Variants in TAB2 observed in about 807,000 individuals in gnomAD.
TAB2 encodes the protein TGF-beta activated kinase 1 (MAP3K7) binding protein 2.
In TAB2, 3 loss-of-function variants were observed where a neutral mutation model predicts 65.0. The ratio of observed to expected loss-of-function variants is 0.05; its 90% CI spans 0.02 to 0.12. The LOEUF (loss-of-function observed/expected upper bound fraction) is 0.12. Ranked by LOEUF, TAB2 falls within the 10% of genes least tolerant of loss-of-function variation. The pLI is 1.00. For synonymous variants in TAB2, 298 were observed against 285.1 expected (o/e 1.05, Z -0.46); for missense variants, 623 against 840.3 (o/e 0.74, Z 3.20).
At chr6:149,331,490 T>C (rs185706279) in intron 1 of TAB2, among the ~76,000 whole-genome samples, 1 of 152,298 alleles carries the variant, frequency 6.6e-6, no homozygotes, top group Non-Finnish European at 1.5e-5. Flanking sequence ...TGCCTGTGCA[T>C]AGAGACAGTT....
At chr6:149,409,551 T>C (rs767322591) in intron 6 of TAB2, 26 bp from the exon 7 acceptor site, 9 of 1,605,574 alleles carry the variant, frequency 5.6e-6, no homozygotes, top group Admixed American at 3.3e-5. Flanking sequence ...TTTTTACTTA[T>C]AAAATAATTT....
intron 3 of TAB2, among the ~76,000 whole-genome samples, chr6:149,389,355 T>C (rs1182164950): frequency 1.3e-5 from 2 of 151,894 alleles, no homozygotes; most frequent in Non-Finnish European, 2.9e-5. Flanking sequence ...TCTTTTAAAT[T>C]GTAAATCTGG....
At chr6:149,266,822 G>T (rs185707142) in intron 1 of TAB2, among the ~76,000 whole-genome samples, 1 of 152,260 alleles carries the variant, frequency 6.6e-6, no homozygotes, top group African/African-American at 2.4e-5. Flanking sequence ...CCTTGTACCA[G>T]TCAGGGTCTG....
intron 6 of TAB2, among the ~76,000 whole-genome samples, chr6:149,403,311 T>TACAC (rs1562456512): frequency 5.3e-4 from 35 of 66,326 alleles, no homozygotes; most frequent in African/African-American, 2.3e-3. Flanking sequence ...TATATATATA[T>TACAC]ATACACACAC....
At chr6:149,232,854 G>A (rs956186448) in intron 1 of TAB2, among the ~76,000 whole-genome samples, 2 of 152,142 alleles carry the variant, frequency 1.3e-5, no homozygotes, top group African/African-American at 2.4e-5. Flanking sequence ...TCCAGAGAAA[G>A]TGCCCCAGAG....
At chr6:149,351,003 T>C (rs924758252) in intron 1 of TAB2, among the ~76,000 whole-genome samples, 2 of 152,090 alleles carry the variant, frequency 1.3e-5, no homozygotes, top group Non-Finnish European at 2.9e-5. Context: ...TTCTTCATAA[T>C]CCCCTTCTTT....
At chr6:149,248,036 C>A (rs1346672751) in intron 1 of TAB2, 1 of 152,118 alleles carries the variant, frequency 6.6e-6, no homozygotes, top group Non-Finnish European at 1.5e-5. Context: ...TGTAACAAAC[C>A]TGCATGTTCT....
intron 1 of TAB2, among the ~76,000 whole-genome samples, chr6:149,368,724 G>GC (rs1781123207): frequency 6.6e-6 from 1 of 151,260 alleles, no homozygotes; most frequent in Non-Finnish European, 1.5e-5. Context: ...CAAATAACTT[G>GC]ATGTTGGCAG....
At chr6:149,260,899 C>T (rs1044962932) in intron 1 of TAB2, among the ~76,000 whole-genome samples, 2 of 152,188 alleles carry the variant, frequency 1.3e-5, no homozygotes, top group African/African-American at 2.4e-5. Context: ...ATTTCCAAAT[C>T]ATTCTGTAAA....
chr6:149,298,108 C>T lies in TAB2; in HGVS notation c.-121+79332C>T, dbSNP rs991063767. On this transcript the variant is annotated intron_variant, in intron 1 of 1. Transcript: ENST00000606202. ...CAAAGAACCCATTAGTACTAAATCA[C>T]AATTTAATTGAAAAAAAATTAAGCA... Among the ~76,000 whole-genome samples, 3 of 151,834 alleles carry T rather than the reference C, an allele frequency of 2.0e-5. No individual in the cohort carries two copies. In the East Asian group the frequency reaches 5.8e-4, roughly 29 times the overall value.
Position 149,390,719 on chromosome 6 carries a change from A to G in TAB2, c.1604-6885A>G, listed in dbSNP as rs370232278. Reference sequence around the variant, plus strand: ...ACTTAGTACTCACTTATTTTTAACAACAACTAAGAGAGAGTTGCATGCTTA... The same window carrying G: ...ACTTAGTACTCACTTATTTTTAACAGCAACTAAGAGAGAGTTGCATGCTTA... On this transcript the variant is annotated intron_variant, in intron 3 of 6. Coordinates refer to ENST00000637181, the MANE Select transcript of TAB2 (RefSeq NM_001292034.3). Among the ~76,000 whole-genome samples the G allele has an allele frequency of 1.6e-3, 248 of 152,306 alleles. 1 individual carries two copies. Among genetic ancestry groups the G allele is most frequent in the Admixed American group, 2.6e-3 (40 of 15,304 alleles).
At chr6:149,406,674 C>G (rs1028445133) in intron 6 of TAB2, among the ~76,000 whole-genome samples, 1 of 152,100 alleles carries the variant, frequency 6.6e-6, no homozygotes, top group African/African-American at 2.4e-5. Flanking sequence ...CTTTCACATT[C>G]TAATTTTTGT....
At chr6:149,373,743 T>G (rs1781307335) in intron 2 of TAB2, among the ~76,000 whole-genome samples, 1 of 152,220 alleles carries the variant, frequency 6.6e-6, no homozygotes, top group Non-Finnish European at 1.5e-5. Context: ...GCAGTGATTT[T>G]CCACCTTCTA....
At chr6:149,276,517 A>T (rs1318248452) in intron 1 of TAB2, among the ~76,000 whole-genome samples, 1 of 152,058 alleles carries the variant, frequency 6.6e-6, no homozygotes, top group Non-Finnish European at 1.5e-5. Flanking sequence ...ATAAACTCCA[A>T]ATTTCTTAGG....
chr6:149,229,455 G>A (rs991859791), intron 1 of TAB2, among the ~76,000 whole-genome samples: 1 of 151,940 alleles, frequency 6.6e-6, no homozygotes, highest in Non-Finnish European at 1.5e-5. Flanking sequence ...TATTTTAAGG[G>A]GTGAGGGGCT....
chr6:149,408,702 C>T (rs1782745724), intron 6 of TAB2, among the ~76,000 whole-genome samples: 1 of 152,108 alleles, frequency 6.6e-6, no homozygotes, highest in Admixed American at 6.5e-5. Context: ...CATTATGGGA[C>T]CCAAATTTTT....
intron 6 of TAB2, chr6:149,401,420 TATATC>T (rs1782405883): frequency 6.5e-6 from 1 of 154,546 alleles, no homozygotes. Context: ...TGGCTATAAT[TATATC>T]AGAAACAATA....
intron 1 of TAB2, among the ~76,000 whole-genome samples, chr6:149,267,984 A>G (rs1257096073): frequency 6.6e-6 from 1 of 152,220 alleles, no homozygotes; most frequent in Non-Finnish European, 1.5e-5. Flanking sequence ...AATTAGTATC[A>G]TCACCCAAAA....
chr6:149,357,352 G>C (rs1017935414), intron 1 of TAB2, among the ~76,000 whole-genome samples: 4 of 149,722 alleles, frequency 2.7e-5, no homozygotes. Context: ...GGAGGCGGAG[G>C]TTGCAGTGAG....
Sources: gnomAD v4.1 joint callset for allele counts (sites outside exome capture counted in the v4.1 genomes callset) on GRCh38, gnomAD v4.1.1 for gene constraint, MANE v1.5 for transcripts, NCBI Gene and HGNC (gene_info 2026-07-23, HGNC 2026-07-21) for gene names.